Variants in TOP2B observed in about 807,000 individuals in gnomAD.
TOP2B encodes DNA topoisomerase II beta.
TOP2B carries 51 observed loss-of-function variants against 193.5 expected under a neutral mutation model. The ratio of observed to expected loss-of-function variants is 0.26; its 90% CI spans 0.21 to 0.33. The LOEUF (loss-of-function observed/expected upper bound fraction) is 0.33. TOP2B is among the 10% of genes least tolerant of loss of function. The pLI is 1.00. For missense variants in TOP2B, 1,378 were observed against 1,909.3 expected, an observed-to-expected ratio of 0.72 and a Z score of 5.19; for synonymous variants, 634 against 635.7, an observed-to-expected ratio of 1.00 and a Z score of 0.04.
chr3:25,659,877 AC>A (rs895044511), intron 1 of TOP2B, among the ~76,000 whole-genome samples: 4 of 152,150 alleles, frequency 2.6e-5, no homozygotes, highest in African/African-American at 9.7e-5. Context: ...TTTAAATTCC[AC>A]CTGTGCCTTA....
rs374745650 is a variant in TOP2B at position 25,598,334 on chromosome 3, A to T, written c.4854T>A (p.Asp1618Glu). The change falls in exon 36 of 36, where the codon GAT becomes GAA. Residue 1618 changes from aspartate (D) to glutamate (E), a missense_variant. Around this residue, in one of 9 missense-constraint regions of TOP2B, gnomAD observed 556 missense variants for 584.2 expected, o/e 0.95. Transcript: ENST00000264331. The stretch of plus-strand genomic sequence containing the variant: ...AATTAAACATTGCAAAATCAACATC[A>T]TCTTCTTCTTCATCAGACTCTGCAA... ...KYFAESDEEE[D>E]DVDFAMFN The T allele has an allele frequency of 8.1e-6, 13 of 1,610,290 alleles. No individual in the cohort carries two copies. In the East Asian group the frequency reaches 1.3e-4, roughly 17 times the overall value.
At chr3:25,637,140 A>C (rs1410127609) in intron 6 of TOP2B, 75 bp downstream of exon 6, 1 of 1,161,536 alleles carries the variant, frequency 8.6e-7, no homozygotes, top group Non-Finnish European at 1.2e-6. Flanking sequence ...ACTGCAATTT[A>C]CCCAAGGTTC....
At chr3:25,655,481 C>A (rs1703717087) in intron 1 of TOP2B, among the ~76,000 whole-genome samples, 1 of 152,014 alleles carries the variant, frequency 6.6e-6, no homozygotes, top group South Asian at 2.1e-4. Flanking sequence ...GGAGGTTCCT[C>A]AAAAAATTAA....
At position 25,598,246 on chromosome 3, in the gene TOP2B, C is replaced by CAGAGA. The variant is rs576765034; in HGVS notation, c.*56_*60dup. 7.0e-5 allele frequency: 105 copies of CAGAGA among 1,507,530 alleles called. 1 individual carries two copies. The South Asian group carries it at 1.3e-3, about 19-fold the overall frequency. 93.4% of individuals were successfully genotyped at this position (1,507,530 alleles called of 1,614,324 possible). On this transcript the variant is annotated 3_prime_UTR_variant, in exon 36 of 36. Coordinates refer to ENST00000264331, the MANE Select transcript of TOP2B (RefSeq NM_001330700.2). ...AAGCCAGATGTACAAAAGTCTGAGACAGAGAAGACAAAAGGACAACACAAG... is the reference window on the plus strand; with the variant it reads ...AAGCCAGATGTACAAAAGTCTGAGACAGAGAAGAGAAGACAAAAGGACAACACAAG...
At chr3:25,629,891 G>T in intron 13 of TOP2B, 138 bp downstream of exon 13, 1 of 871,258 alleles carries the variant, frequency 1.1e-6, no homozygotes, top group Non-Finnish European at 1.7e-6. Context: ...ACTAAATGAC[G>T]TGGTTTTTTC....
At chr3:25,609,800 C>T in intron 28 of TOP2B, 88 bp from the exon 29 acceptor site, 1 of 1,293,548 alleles carries the variant, frequency 7.7e-7, no homozygotes, top group African/African-American at 1.5e-5. Flanking sequence ...ATAGCGCCTT[C>T]AAATCAGGTA....
At chr3:25,633,614 T>C (rs980184409) in intron 8 of TOP2B, among the ~76,000 whole-genome samples, 1 of 152,180 alleles carries the variant, frequency 6.6e-6, no homozygotes, top group Non-Finnish European at 1.5e-5. Flanking sequence ...TATAAATATG[T>C]TCAACTACAA....
At chr3:25,637,354 T>G in intron 5 of TOP2B, 42 bp from the exon 6 acceptor site, 1 of 1,454,974 alleles carries the variant, frequency 6.9e-7, no homozygotes. Flanking sequence ...TAAAAATGAT[T>G]TTAAAGGAAC....
intron 1 of TOP2B, among the ~76,000 whole-genome samples, chr3:25,647,244 C>T (rs1031639993): frequency 7.9e-5 from 12 of 152,106 alleles, no homozygotes; most frequent in Admixed American, 2.6e-4. Context: ...GGCGCAGTGA[C>T]GTTAATTTAT....
At chr3:25,657,164 T>C (rs1003741705) in intron 1 of TOP2B, among the ~76,000 whole-genome samples, 1 of 152,224 alleles carries the variant, frequency 6.6e-6, no homozygotes, top group African/African-American at 2.4e-5. Context: ...GACTTTTATA[T>C]GTTTTTGTAA....
rs1240200748 is a variant in TOP2B at position 25,664,870 on chromosome 3, G to A, written c.-573C>T. 5.0e-6 allele frequency: 5 copies of A among 990,378 alleles called. No homozygotes were observed. Among genetic ancestry groups the A allele is most frequent in the South Asian group, 4.5e-5 (1 of 22,102 alleles). The allele number at this position is 990,378 out of a possible 1,614,324, so 61.3% of individuals were successfully genotyped here. Reference sequence around the variant, plus strand: ...ACAGAGCCGCCGCCGCCGCCGCCACGGTCACCTCCCTCTTGTCCGGCATAA... The same window carrying A: ...ACAGAGCCGCCGCCGCCGCCGCCACAGTCACCTCCCTCTTGTCCGGCATAA... On this transcript the variant is annotated 5_prime_UTR_variant, in exon 1 of 36. Coordinates refer to ENST00000264331, the MANE Select transcript of TOP2B (RefSeq NM_001330700.2).
chr3:25,611,665 T>C (rs1465869287), intron 28 of TOP2B, among the ~76,000 whole-genome samples: 1 of 152,148 alleles, frequency 6.6e-6, no homozygotes, highest in African/African-American at 2.4e-5. Context: ...TCAATCCTGC[T>C]TGAGGTTAGG....
At chr3:25,626,442 C>A (rs1702804205) in intron 18 of TOP2B, 118 bp downstream of exon 18, 2 of 549,606 alleles carry the variant, frequency 3.6e-6, no homozygotes, top group African/African-American at 4.0e-5. Flanking sequence ...TGAATAAGCT[C>A]TTCATATACA....
chr3:25,630,683 T>TA lies in TOP2B; in HGVS notation c.1405+117dup, dbSNP rs1418019397. 6 of 1,073,254 alleles carry TA rather than the reference T, an allele frequency of 5.6e-6. No individual in the cohort carries two copies. In the African/African-American group the frequency reaches 9.8e-5, roughly 18 times the overall value. 66.5% of individuals were successfully genotyped at this position (1,073,254 alleles called of 1,614,324 possible). ...TGTGTATGTGATAATTTCAATGAAG[T>TA]AAAATCATACTCTGAATGGAAAATC... On this transcript the variant is annotated intron_variant, in intron 11 of 35. Transcript: ENST00000264331.
At chr3:25,635,385 GAGTA>G (rs1340342967) in intron 7 of TOP2B, among the ~76,000 whole-genome samples, 9 of 152,164 alleles carry the variant, frequency 5.9e-5, no homozygotes, top group African/African-American at 9.6e-5. Context: ...ATCAGAAACA[GAGTA>G]AGTATCTCAC....
At chr3:25,661,225 C>T (rs1214113039) in intron 1 of TOP2B, among the ~76,000 whole-genome samples, 2 of 152,142 alleles carry the variant, frequency 1.3e-5, no homozygotes, top group Non-Finnish European at 2.9e-5. Flanking sequence ...TCATGAACTC[C>T]TGACCTCAGG....
intron 33 of TOP2B, among the ~76,000 whole-genome samples, chr3:25,603,859 AG>A (rs1021416905): frequency 6.6e-6 from 1 of 152,186 alleles, no homozygotes; most frequent in Non-Finnish European, 1.5e-5. Flanking sequence ...TCAATCTGCT[AG>A]TTAAAGGCAG....
intron 1 of TOP2B, among the ~76,000 whole-genome samples, chr3:25,656,021 A>AT (rs1040568052): frequency 1.3e-5 from 2 of 152,112 alleles, no homozygotes; most frequent in African/African-American, 2.4e-5. Context: ...TTAATGTTGT[A>AT]TTTTTTTACA....
chr3:25,642,194 A>G (rs1417448901), intron 4 of TOP2B, 128 bp downstream of exon 4: 2 of 515,904 alleles, frequency 3.9e-6, no homozygotes, highest in Admixed American at 3.7e-5. Flanking sequence ...GGCAAAAATA[A>G]CAAAGTCTCA....
Sources: gnomAD v4.1 joint callset for allele counts (sites outside exome capture counted in the v4.1 genomes callset) on GRCh38, gnomAD v4.1.1 for gene constraint, gnomAD v4.1.1 regional missense constraint, MANE v1.5 for transcripts, NCBI Gene and HGNC (gene_info 2026-07-23, HGNC 2026-07-21) for gene names.